FSHR: variants seen among roughly 807,000 people sequenced by gnomAD.
The protein encoded by FSHR is follicle stimulating hormone receptor.
A neutral mutation model predicts 52.1 loss-of-function variants in FSHR; 46 were observed. The ratio of observed to expected loss-of-function variants is 0.88; its 90% CI spans 0.70 to 1.13. The LOEUF (loss-of-function observed/expected upper bound fraction) is 1.13. Ranked by LOEUF, FSHR falls within the 50% of genes most tolerant of loss-of-function variation. The pLI is 0.00. For missense variants in FSHR, 964 were observed against 834.6 expected (o/e 1.16, Z -1.91); for synonymous variants, 399 against 309.6 (o/e 1.29, Z -3.03).
chr2:48,964,069 T>C (rs1024315560), intron 9 of FSHR, 103 bp from the exon 10 acceptor site: 17 of 590,376 alleles, frequency 2.9e-5, no homozygotes, highest in Non-Finnish European at 4.1e-5. Flanking sequence ...CTTCCTGAGA[T>C]TTTTTTTTTT....
chr2:48,973,937 C>T (rs540638842), intron 8 of FSHR, among the ~76,000 whole-genome samples: 18 of 151,822 alleles, frequency 1.2e-4, no homozygotes, highest in Non-Finnish European at 2.2e-4. Flanking sequence ...GCCCTGAGAG[C>T]AGGCTTTTGT....
chr2:48,994,729 C>T (rs753072669), intron 4 of FSHR, among the ~76,000 whole-genome samples: 9 of 152,136 alleles, frequency 5.9e-5, no homozygotes, highest in Non-Finnish European at 1.2e-4. Flanking sequence ...TTTTGATTCA[C>T]TCAACCATGG....
chr2:48,992,476 C>T (rs1255747001), intron 4 of FSHR, among the ~76,000 whole-genome samples: 2 of 152,168 alleles, frequency 1.3e-5, no homozygotes, highest in Admixed American at 6.5e-5. Context: ...ACAGCCACTG[C>T]CAGGGAAGTG....
chr2:49,047,794 C>G (rs186618318), intron 2 of FSHR, among the ~76,000 whole-genome samples: 127 of 152,284 alleles, frequency 8.3e-4, no homozygotes, highest in Non-Finnish European at 1.5e-3. Flanking sequence ...ACTTAAGAAA[C>G]ATGAGGTGAT....
At chr2:49,091,974 A>G (rs1315131632) in intron 1 of FSHR, among the ~76,000 whole-genome samples, 1 of 152,188 alleles carries the variant, frequency 6.6e-6, no homozygotes, top group Non-Finnish European at 1.5e-5. Flanking sequence ...AGGAGAATTA[A>G]CTATAGTGAA....
chr2:49,011,714 C>G (rs1393317003), intron 4 of FSHR, among the ~76,000 whole-genome samples: 6 of 152,070 alleles, frequency 3.9e-5, no homozygotes, highest in Admixed American at 6.6e-5. Flanking sequence ...CAAGCTTATG[C>G]AGCAAATAAG....
At chr2:49,089,015 G>A (rs1268434390) in intron 1 of FSHR, among the ~76,000 whole-genome samples, 3 of 151,910 alleles carry the variant, frequency 2.0e-5, no homozygotes, top group Non-Finnish European at 4.4e-5. Context: ...AAGAACCTAT[G>A]CATAAAACTA....
chr2:49,047,758 A>G (rs1042875558), intron 2 of FSHR, among the ~76,000 whole-genome samples: 1 of 152,230 alleles, frequency 6.6e-6, no homozygotes, highest in Non-Finnish European at 1.5e-5. Context: ...AGAATTATGA[A>G]CAAGATTTAA....
chr2:49,006,777 A>C (rs990336971), intron 4 of FSHR, among the ~76,000 whole-genome samples: 1 of 152,122 alleles, frequency 6.6e-6, no homozygotes, highest in Non-Finnish European at 1.5e-5. Flanking sequence ...AGCTCCTTGA[A>C]GTGAGAGCTG....
intron 8 of FSHR, among the ~76,000 whole-genome samples, chr2:48,979,064 A>T (rs1353211576): frequency 6.6e-6 from 1 of 152,120 alleles, no homozygotes; most frequent in African/African-American, 2.4e-5. Flanking sequence ...CTCAGAGAGC[A>T]CTCTGGACAA....
chr2:49,019,541 A>G (rs1667616128), intron 3 of FSHR, among the ~76,000 whole-genome samples: 1 of 152,346 alleles, frequency 6.6e-6, no homozygotes, highest in Non-Finnish European at 1.5e-5. Flanking sequence ...TCATTATAAC[A>G]TACACACTCT....
At chr2:49,040,143 C>A (rs748941007) in intron 2 of FSHR, among the ~76,000 whole-genome samples, 1 of 152,108 alleles carries the variant, frequency 6.6e-6, no homozygotes, top group Non-Finnish European at 1.5e-5. Context: ...GAGTTTGCTG[C>A]GCTACTTGAA....
intron 5 of FSHR, among the ~76,000 whole-genome samples, chr2:48,989,804 C>G (rs1225094485): frequency 6.6e-6 from 1 of 152,104 alleles, no homozygotes; most frequent in East Asian, 1.9e-4. Context: ...TGAGGAAACT[C>G]TCATTTTCTG....
intron 1 of FSHR, among the ~76,000 whole-genome samples, chr2:49,069,761 C>G (rs1669662464): frequency 1.3e-5 from 2 of 152,064 alleles, no homozygotes; most frequent in African/African-American, 4.8e-5. Flanking sequence ...CTTTCCCCAG[C>G]CTTCTTCTCT....
intron 2 of FSHR, among the ~76,000 whole-genome samples, chr2:49,036,954 G>T (rs190723682): frequency 4.6e-5 from 7 of 152,312 alleles, no homozygotes; most frequent in Admixed American, 3.9e-4. Flanking sequence ...CGCTGAGCAT[G>T]CATTGAAGCA....
chr2:49,051,775 T>A (rs995957293), intron 2 of FSHR, among the ~76,000 whole-genome samples: 2 of 148,650 alleles, frequency 1.3e-5, no homozygotes, highest in Non-Finnish European at 2.9e-5. Context: ...TCTTTGCCTA[T>A]CCCCTGATTG....
rs562421477 is a variant in FSHR at position 49,112,279 on chromosome 2, A to AT, written c.152+41986dup. ...AGTGAAGTTGTGTAAGGGAAATGCC[A>AT]TTTTTTTCCCTAGTAGAATACACAA... On this transcript the variant is annotated intron_variant, in intron 1 of 9. Transcript: ENST00000406846. Among the ~76,000 whole-genome samples the AT allele has an allele frequency of 7.9e-5, 12 of 152,216 alleles. No homozygotes were observed. The South Asian group carries it at 1.5e-3, about 18-fold the overall frequency.
chr2:49,086,154 A>G (rs1005919923), intron 1 of FSHR, among the ~76,000 whole-genome samples: 2 of 152,344 alleles, frequency 1.3e-5, no homozygotes, highest in African/African-American at 2.4e-5. Flanking sequence ...ATGGGAGAGC[A>G]GTTGTTATAA....
intron 1 of FSHR, among the ~76,000 whole-genome samples, chr2:49,087,029 C>T (rs548546569): frequency 7.1e-5 from 10 of 141,342 alleles, no homozygotes; most frequent in African/African-American, 2.4e-4. Context: ...GAGCCAGCAG[C>T]AAGTTGCTCT....
Sources: gnomAD v4.1 joint callset for allele counts (sites outside exome capture counted in the v4.1 genomes callset) on GRCh38, gnomAD v4.1.1 for gene constraint, MANE v1.5 for transcripts, NCBI Gene and HGNC (gene_info 2026-07-23, HGNC 2026-07-21) for gene names.